Variants in GSE1 observed in about 807,000 individuals in gnomAD.
The protein encoded by GSE1 is Gse1 coiled-coil protein.
GSE1 carries 32 observed loss-of-function variants against 112.6 expected under a neutral mutation model. That is an observed-to-expected ratio of 0.28 (90% CI 0.21 to 0.38). GSE1 has a LOEUF of 0.38. Among genes scored for constraint, GSE1 ranks in the 10% least tolerant of loss-of-function variants. The pLI is 1.00. For synonymous variants in GSE1, 1,115 were observed against 735.6 expected (o/e 1.52, Z -8.35); for missense variants, 2,348 against 1,699.2 (o/e 1.38, Z -6.71).
intron 2 of GSE1, among the ~76,000 whole-genome samples, chr16:85,433,651 T>G (rs553743163): frequency 6.7e-6 from 1 of 150,052 alleles, no homozygotes; most frequent in East Asian, 2.0e-4. Flanking sequence ...TGGGTGAATG[T>G]TGAATGGATA....
chr16:85,390,033 G>A (rs775726120), intron 2 of GSE1, among the ~76,000 whole-genome samples: 1 of 152,188 alleles, frequency 6.6e-6, no homozygotes, highest in Admixed American at 6.5e-5. Flanking sequence ...AGCTGACCTC[G>A]GGGCCTAGGC....
intron 2 of GSE1, among the ~76,000 whole-genome samples, chr16:85,398,013 G>A (rs573797626): frequency 9.2e-5 from 14 of 152,140 alleles, no homozygotes; most frequent in Non-Finnish European, 1.8e-4. Context: ...TGCAGACCTT[G>A]GTGTATTCTC....
intron 2 of GSE1, among the ~76,000 whole-genome samples, chr16:85,488,187 A>T (rs1327752387): frequency 6.6e-6 from 1 of 152,108 alleles, no homozygotes; most frequent in Non-Finnish European, 1.5e-5. Flanking sequence ...CTCCCAGGGG[A>T]CATGGGCCCT....
At chr16:85,243,892 C>T (rs190697964) in intron 1 of GSE1, among the ~76,000 whole-genome samples, 1 of 151,980 alleles carries the variant, frequency 6.6e-6, no homozygotes, top group Non-Finnish European at 1.5e-5. Context: ...TTTGGGAGGC[C>T]GAGGTGGGCG....
intron 1 of GSE1, among the ~76,000 whole-genome samples, chr16:85,218,730 C>T (rs1342070121): frequency 6.6e-6 from 1 of 152,240 alleles, no homozygotes; most frequent in Non-Finnish European, 1.5e-5. Context: ...AGGTCCTGCT[C>T]TGTGCGTCCA....
chr16:85,217,786 G>A (rs904769464), intron 1 of GSE1, among the ~76,000 whole-genome samples: 24 of 152,052 alleles, frequency 1.6e-4, no homozygotes, highest in Non-Finnish European at 3.2e-4. Context: ...CATCCTCCCC[G>A]AATCCTCTTC....
chr16:85,615,392 G>C (rs1297436400), intron 1 of GSE1, among the ~76,000 whole-genome samples: 1 of 152,238 alleles, frequency 6.6e-6, no homozygotes, highest in African/African-American at 2.4e-5. Context: ...CGTGTCGGCA[G>C]CGTTCCTGAT....
At chr16:85,274,004 C>A (rs1417999881) in intron 1 of GSE1, among the ~76,000 whole-genome samples, 2 of 151,002 alleles carry the variant, frequency 1.3e-5, no homozygotes, top group East Asian at 1.9e-4. Context: ...TCCAGGGTCT[C>A]TTTTTGGGGT....
At chr16:85,213,038 A>G (rs1420632699) in intron 1 of GSE1, among the ~76,000 whole-genome samples, 4 of 152,164 alleles carry the variant, frequency 2.6e-5, no homozygotes, top group Non-Finnish European at 5.9e-5. Context: ...TGGGAGGCCA[A>G]GGTGGGCAGA....
At chr16:85,534,789 C>T (rs936475444) in intron 2 of GSE1, among the ~76,000 whole-genome samples, 2 of 152,182 alleles carry the variant, frequency 1.3e-5, no homozygotes, top group Non-Finnish European at 2.9e-5. Context: ...AGCGTTGCTC[C>T]CCTGTCTGTG....
At chr16:85,465,510 C>T (rs961315029) in intron 2 of GSE1, among the ~76,000 whole-genome samples, 17 of 152,232 alleles carry the variant, frequency 1.1e-4, no homozygotes, top group African/African-American at 3.6e-4. Flanking sequence ...GTGCATCAGT[C>T]CAGTTAATGA....
chr16:85,547,650 G>T lies in GSE1; in HGVS notation c.2465-86264G>T, dbSNP rs1357519278. 2.0e-5 allele frequency among the ~76,000 whole-genome samples: 3 copies of T among 152,116 alleles called. No homozygotes were observed. The South Asian group carries it at 6.2e-4, about 32-fold the overall frequency. The stretch of plus-strand genomic sequence containing the variant: ...AATCCCAGCACTTTGGGAGGCCGGG[G>T]AGGGTGTATCACCTGAAGTCAGGAG... On this transcript the variant is annotated intron_variant, in intron 2 of 2. Coordinates refer to the GSE1 transcript ENST00000637419.
chr16:85,357,978 C>A (rs2046986416), intron 2 of GSE1, among the ~76,000 whole-genome samples: 1 of 152,090 alleles, frequency 6.6e-6, no homozygotes, highest in Non-Finnish European at 1.5e-5. Flanking sequence ...AGTCTTGAGC[C>A]CAGAGGGGGT....
intron 2 of GSE1, among the ~76,000 whole-genome samples, chr16:85,388,316 A>ATGGATGGG (rs1257342230): frequency 1.1e-5 from 1 of 87,760 alleles, no homozygotes; most frequent in African/African-American, 4.8e-5. Flanking sequence ...GGATGGATGG[A>ATGGATGGG]TGGATGGATG....
At chr16:85,656,069 G>T (rs1012559758) in intron 6 of GSE1, 152 bp downstream of exon 6, 2 of 710,282 alleles carry the variant, frequency 2.8e-6, no homozygotes, top group Admixed American at 2.9e-5. Flanking sequence ...GATCGTTCAG[G>T]CTCTGCTCTG....
chr16:85,582,787 G>C (rs1043522670), intron 1 of GSE1, among the ~76,000 whole-genome samples: 1 of 152,210 alleles, frequency 6.6e-6, no homozygotes, highest in African/African-American at 2.4e-5. Flanking sequence ...GAGCCTGTCT[G>C]CACAGCCTGC....
intron 1 of GSE1, among the ~76,000 whole-genome samples, chr16:85,203,566 G>A (rs1193370700): frequency 1.3e-5 from 2 of 152,232 alleles, no homozygotes; most frequent in African/African-American, 4.8e-5. Context: ...AGGGGAGGAA[G>A]AGTGGCAAGT....
At chr16:85,610,915 C>G (rs1465361699), upstream of GSE1, among the ~76,000 whole-genome samples, 2 of 152,244 alleles carry the variant, frequency 1.3e-5, no homozygotes, top group Non-Finnish European at 2.9e-5. Context: ...TTGGCCGGCT[C>G]TAAAAAGCCG....
intron 1 of GSE1, among the ~76,000 whole-genome samples, chr16:85,323,729 A>G (rs2046166024): frequency 6.6e-6 from 1 of 152,204 alleles, no homozygotes; most frequent in South Asian, 2.1e-4. Flanking sequence ...AAGGGGGGCA[A>G]CTGTGCAGAC....
Sources: allele counts gnomAD v4.1 joint callset (sites outside exome capture counted in the v4.1 genomes callset), GRCh38; gene constraint gnomAD v4.1.1; transcripts MANE v1.5; gene names NCBI Gene and HGNC (gene_info 2026-07-23, HGNC 2026-07-21).